Variants in IGF1R observed in about 807,000 individuals in gnomAD.
The protein encoded by IGF1R is insulin like growth factor 1 receptor.
Under a neutral mutation model 144.6 loss-of-function variants are expected in IGF1R, and 44 were observed. The observed-to-expected ratio is 0.30, with a 90% confidence interval of 0.24 to 0.39. The LOEUF (loss-of-function observed/expected upper bound fraction) is 0.39. Ranked by LOEUF, IGF1R falls within the 10% of genes least tolerant of loss-of-function variation. The pLI is 1.00. For missense variants in IGF1R, 1,355 were observed against 1,833.7 expected (o/e 0.74, Z 4.77); for synonymous variants, 795 against 722.8 (o/e 1.10, Z -1.60).
At chr15:98,838,139 C>G (rs1424313607) in intron 2 of IGF1R, among the ~76,000 whole-genome samples, 2 of 152,124 alleles carry the variant, frequency 1.3e-5, no homozygotes, top group African/African-American at 4.8e-5. Context: ...CTTAGATTTT[C>G]TAATTTCAGC....
chr15:98,872,858 AACAG>A (rs965293064), intron 2 of IGF1R, among the ~76,000 whole-genome samples: 2 of 101,898 alleles, frequency 2.0e-5, no homozygotes, highest in Admixed American at 1.3e-4. Context: ...AAAAAAACAA[AACAG>A]ACAGACAGAC....
chr15:98,860,779 C>T (rs2012105039), intron 2 of IGF1R, among the ~76,000 whole-genome samples: 2 of 152,138 alleles, frequency 1.3e-5, no homozygotes, highest in South Asian at 2.1e-4. Context: ...AAGAGAAAGC[C>T]GTCTCCATCA....
At chr15:98,714,995 C>G (rs566330228) in intron 2 of IGF1R, among the ~76,000 whole-genome samples, 20 of 152,024 alleles carry the variant, frequency 1.3e-4, no homozygotes, top group African/African-American at 4.8e-4. Flanking sequence ...GAGAAGGCAG[C>G]CAGGAGAGGG....
intron 1 of IGF1R, among the ~76,000 whole-genome samples, chr15:98,691,590 C>G (rs1720668766): frequency 6.6e-6 from 1 of 152,096 alleles, no homozygotes; most frequent in African/African-American, 2.4e-5. Flanking sequence ...TCTCGAACTC[C>G]TGACCTCGGG....
At chr15:98,800,689 C>T (rs957743457) in intron 2 of IGF1R, among the ~76,000 whole-genome samples, 3 of 152,100 alleles carry the variant, frequency 2.0e-5, no homozygotes, top group Non-Finnish European at 4.4e-5. Context: ...CAAGGGGAGG[C>T]GAACTTGGTG....
intron 2 of IGF1R, among the ~76,000 whole-genome samples, chr15:98,709,996 T>TG (rs1215219468): frequency 6.6e-6 from 1 of 152,152 alleles, no homozygotes; most frequent in Non-Finnish European, 1.5e-5. Flanking sequence ...CGACTAGAAA[T>TG]GAGCAAGTTA....
intron 2 of IGF1R, among the ~76,000 whole-genome samples, chr15:98,874,222 C>T (rs767741349): frequency 9.9e-5 from 15 of 152,018 alleles, no homozygotes; most frequent in Non-Finnish European, 1.9e-4. Flanking sequence ...ATCTGTGAAG[C>T]AGAAGAAAAA....
chr15:98,797,305 C>G (rs568560305), intron 2 of IGF1R, among the ~76,000 whole-genome samples: 1 of 152,204 alleles, frequency 6.6e-6, no homozygotes, highest in Non-Finnish European at 1.5e-5. Context: ...AGCTGTGTCT[C>G]CCAGGCAGCT....
intron 2 of IGF1R, among the ~76,000 whole-genome samples, chr15:98,828,118 C>T (rs1018236711): frequency 1.3e-5 from 2 of 152,164 alleles, no homozygotes; most frequent in Non-Finnish European, 2.9e-5. Context: ...GTGCCTGTTA[C>T]AGTGATCACT....
At chr15:98,831,912 G>A (rs1301752112) in intron 2 of IGF1R, among the ~76,000 whole-genome samples, 5 of 152,078 alleles carry the variant, frequency 3.3e-5, no homozygotes, top group South Asian at 4.2e-4. Context: ...TCCTCTTTGG[G>A]GATCTGGTTT....
At chr15:98,748,300 G>A (rs2054919327) in intron 2 of IGF1R, among the ~76,000 whole-genome samples, 1 of 152,066 alleles carries the variant, frequency 6.6e-6, no homozygotes, top group Admixed American at 6.6e-5. Flanking sequence ...CTGAGTAGCT[G>A]GAACTACAGG....
intron 2 of IGF1R, among the ~76,000 whole-genome samples, chr15:98,872,420 C>G (rs552078468): frequency 5.9e-5 from 9 of 152,282 alleles, no homozygotes; most frequent in African/African-American, 2.2e-4. Flanking sequence ...GAGAGACCAG[C>G]GGGTCATAAT....
chr15:98,670,405 T>G (rs990268641), intron 1 of IGF1R, among the ~76,000 whole-genome samples: 1 of 152,040 alleles, frequency 6.6e-6, no homozygotes, highest in Admixed American at 6.6e-5. Flanking sequence ...GAGGAAGGTT[T>G]GTTTAAGTTG....
chr15:98,786,347 T>A (rs2141405355), intron 2 of IGF1R, among the ~76,000 whole-genome samples: 1 of 151,290 alleles, frequency 6.6e-6, no homozygotes, highest in East Asian at 1.9e-4. Context: ...TTGTCTTTAC[T>A]CAGTGGTTTA....
chr15:98,706,517 A>T (rs1211896023), intron 1 of IGF1R, among the ~76,000 whole-genome samples: 2 of 152,030 alleles, frequency 1.3e-5, no homozygotes, highest in Non-Finnish European at 2.9e-5. Flanking sequence ...TCTGCCAATA[A>T]TGTTCACTGG....
rs201631492 is a variant in IGF1R at position 98,916,776 on chromosome 15, G to T, written c.2101G>T (p.Ala701Ser). ...VCGGEKGPCCACPKTEAEKQA... is the reference protein window; with the variant it reads ...VCGGEKGPCCSCPKTEAEKQA... ...TGGTGGGGAGAAAGGGCCTTGCTGC[G>T]CCTGCCCCAAAACTGAAGCCGAGAA... Residue 701 changes from alanine to serine, a missense_variant, in exon 10 of 21, where the codon GCC (alanine) becomes TCC (serine). Around this residue, in one of 7 missense-constraint regions of IGF1R, gnomAD observed 880 missense variants for 1,202.7 expected, o/e 0.73. Coordinates refer to ENST00000650285, the MANE Select transcript of IGF1R (RefSeq NM_000875.5). 6.8e-6 allele frequency: 11 copies of T among 1,614,012 alleles called. No individual in the cohort carries two copies. Among genetic ancestry groups the T allele is most frequent in the Admixed American group, 1.7e-5 (1 of 60,016 alleles).
chr15:98,800,188 A>G (rs549649545), intron 2 of IGF1R, among the ~76,000 whole-genome samples: 6 of 151,872 alleles, frequency 4.0e-5, no homozygotes, highest in Admixed American at 3.9e-4. Context: ...CTAGGTGATA[A>G]AAGATGCTGG....
intron 2 of IGF1R, among the ~76,000 whole-genome samples, chr15:98,788,530 T>A (rs1307548958): frequency 6.6e-6 from 1 of 152,260 alleles, no homozygotes; most frequent in Non-Finnish European, 1.5e-5. Context: ...CATAAAATAA[T>A]TTTTAAGGCA....
Position 98,661,296 on chromosome 15 carries a change from G to C in IGF1R, c.94+11621G>C, listed in dbSNP as rs1194926988. Reference sequence around the variant, plus strand: ...TGGTTGCTGGTGAAGGCCTTTGACAGTGTCCTGGTAGGGCGACGGTGAGGC... The same window carrying C: ...TGGTTGCTGGTGAAGGCCTTTGACACTGTCCTGGTAGGGCGACGGTGAGGC... On this transcript the variant is annotated intron_variant, in intron 1 of 20. Transcript: ENST00000650285. Among the ~76,000 whole-genome samples the C allele has an allele frequency of 3.3e-5, 5 of 152,260 alleles. No homozygotes were observed. In the South Asian group the frequency reaches 1.0e-3, roughly 32 times the overall value.
Sources: allele counts gnomAD v4.1 joint callset (sites outside exome capture counted in the v4.1 genomes callset), GRCh38; gene constraint gnomAD v4.1.1; regional missense constraint gnomAD v4.1.1; transcripts MANE v1.5; gene names NCBI Gene and HGNC (gene_info 2026-07-23, HGNC 2026-07-21).